Variants in RFX3 observed in about 807,000 individuals in gnomAD.
The protein encoded by RFX3 is transcription factor RFX3.
In RFX3, 14 loss-of-function variants were observed where a neutral mutation model predicts 98.6. The observed-to-expected ratio is 0.14, with a 90% CI of 0.09 to 0.22. The LOEUF is 0.22. RFX3 is among the 10% of genes least tolerant of loss of function. RFX3 has a pLI of 1.00. For synonymous variants in RFX3, 383 were observed against 328.4 expected, an observed-to-expected ratio of 1.17 and a Z score of -1.80; for missense variants, 639 against 926.9, an observed-to-expected ratio of 0.69 and a Z score of 4.03.
rs1412328280 is a variant in RFX3 at position 3,231,613 on chromosome 9, T to C, written c.1969-2724A>G. On this transcript the variant is annotated intron_variant, in intron 15 of 16. Transcript: ENST00000617270. ...TTTTAGAAGTATAGGGTTCAAGTCTTAGAAATGGAAACCAATTGCATGGGT... is the reference window on the plus strand; with the variant it reads ...TTTTAGAAGTATAGGGTTCAAGTCTCAGAAATGGAAACCAATTGCATGGGT... 4.6e-5 allele frequency among the ~76,000 whole-genome samples: 7 copies of C among 151,882 alleles called. No homozygotes were observed. The East Asian group carries it at 1.4e-3, about 29-fold the overall frequency.
At chr9:3,294,648 CTTTA>C (rs1827784860) in intron 5 of RFX3, among the ~76,000 whole-genome samples, 1 of 152,138 alleles carries the variant, frequency 6.6e-6, no homozygotes, top group African/African-American at 2.4e-5. Context: ...GAATTACTGA[CTTTA>C]GTCATGACAA....
chr9:3,259,402 T>C (rs1822567757), intron 13 of RFX3, among the ~76,000 whole-genome samples: 1 of 151,870 alleles, frequency 6.6e-6, no homozygotes, highest in Admixed American at 6.6e-5. Flanking sequence ...AGTGAAAATA[T>C]ACTAACAATA....
chr9:3,391,811 T>C (rs1282521683), intron 2 of RFX3, among the ~76,000 whole-genome samples: 2 of 152,214 alleles, frequency 1.3e-5, no homozygotes, highest in Non-Finnish European at 2.9e-5. Context: ...TCAGGTTCCC[T>C]CTACCAACCC....
intron 1 of RFX3, among the ~76,000 whole-genome samples, chr9:3,467,129 A>AGTATATATGTATATACATAATATATAT (rs1848340882): frequency 7.6e-6 from 1 of 131,648 alleles, no homozygotes; most frequent in African/African-American, 3.3e-5. Flanking sequence ...CATATATGTA[A>AGTATATATGTATATACATAATATATAT]GTATATATGT....
At chr9:3,265,405 C>G (rs2131261703) in intron 12 of RFX3, among the ~76,000 whole-genome samples, 1 of 152,248 alleles carries the variant, frequency 6.6e-6, no homozygotes, top group African/African-American at 2.4e-5. Flanking sequence ...TATGTTCCCA[C>G]AGAGGTTTAT....
intron 1 of RFX3, among the ~76,000 whole-genome samples, chr9:3,504,972 ATT>A (rs1444743921): frequency 7.5e-5 from 5 of 66,268 alleles, no homozygotes; most frequent in Non-Finnish European, 9.0e-5. Flanking sequence ...TATAATATAT[ATT>A]ATATAATATA....
chr9:3,295,003 T>G (rs1167221861), intron 5 of RFX3, among the ~76,000 whole-genome samples: 2 of 152,136 alleles, frequency 1.3e-5, no homozygotes, highest in Non-Finnish European at 2.9e-5. Context: ...ATTCTTTTGT[T>G]ATGAATCATC....
At chr9:3,291,305 G>C (rs941974100) in intron 6 of RFX3, among the ~76,000 whole-genome samples, 1 of 152,172 alleles carries the variant, frequency 6.6e-6, no homozygotes, top group Admixed American at 6.5e-5. Flanking sequence ...CCGGGGGGCA[G>C]AGGTTGCAGT....
chr9:3,394,890 T>C (rs1036695274), intron 2 of RFX3: 8 of 955,002 alleles, frequency 8.4e-6, no homozygotes, highest in Non-Finnish European at 1.0e-5. Context: ...TGCGTATGAA[T>C]AAGACCTGTA....
intron 1 of RFX3, among the ~76,000 whole-genome samples, chr9:3,424,377 T>TG (rs1364576902): frequency 3.4e-5 from 4 of 117,676 alleles, no homozygotes; most frequent in Non-Finnish European, 5.1e-5. Context: ...TTTTTTTTTT[T>TG]TTGAGACGGA....
chr9:3,238,587 G>C (rs1387567483), intron 15 of RFX3, among the ~76,000 whole-genome samples: 1 of 152,170 alleles, frequency 6.6e-6, no homozygotes, highest in Non-Finnish European at 1.5e-5. Context: ...GAATCAGGAA[G>C]ATTGTTCACA....
At chr9:3,437,252 C>A (rs1175005902) in intron 1 of RFX3, among the ~76,000 whole-genome samples, 1 of 152,052 alleles carries the variant, frequency 6.6e-6, no homozygotes, top group Non-Finnish European at 1.5e-5. Flanking sequence ...GGAGACTAGA[C>A]TATAGGCTCC....
intron 1 of RFX3, among the ~76,000 whole-genome samples, chr9:3,479,483 T>C (rs939278696): frequency 6.6e-6 from 1 of 152,214 alleles, no homozygotes; most frequent in Non-Finnish European, 1.5e-5. Context: ...AAAAAATCTG[T>C]ATTTCAGTAC....
chr9:3,494,272 T>C (rs115106748), intron 1 of RFX3, among the ~76,000 whole-genome samples: 2,633 of 152,270 alleles, frequency 0.017, 96 homozygotes, highest in African/African-American at 0.059. Context: ...AAGCAGCAGT[T>C]CTTTTGTGAT....
In RFX3 at chr9:3,386,004, A is replaced by G. The variant is rs565871543; in HGVS notation, c.117+9468T>C. ...CGACTGATGACTACACTGGGTGCCT[A>G]TTCAAAGTGAAAGACACCACCACCA... On this transcript the variant is annotated intron_variant, in intron 2 of 16. Coordinates refer to ENST00000617270, the MANE Select transcript of RFX3 (RefSeq NM_001282116.2). Among the ~76,000 whole-genome samples the G allele has an allele frequency of 6.6e-5, 10 of 152,298 alleles. No homozygotes were observed. In the East Asian group the frequency reaches 1.7e-3, roughly 26 times the overall value.
chr9:3,301,689 C>T, intron 4 of RFX3, 69 bp from the exon 5 acceptor site: 2 of 1,110,182 alleles, frequency 1.8e-6, no homozygotes, highest in South Asian at 3.0e-5. Context: ...CAGAGAATTT[C>T]TGATAGATTC....
chr9:3,436,191 A>C (rs1198045774), intron 1 of RFX3, among the ~76,000 whole-genome samples: 1 of 152,080 alleles, frequency 6.6e-6, no homozygotes, highest in Non-Finnish European at 1.5e-5. Context: ...GCAAATTACA[A>C]TTCTTCATGA....
At chr9:3,507,488 T>A (rs1587895430) in intron 1 of RFX3, among the ~76,000 whole-genome samples, 1 of 152,044 alleles carries the variant, frequency 6.6e-6, no homozygotes, top group East Asian at 1.9e-4. Context: ...ATTTAAGTAA[T>A]CTGCCTAACA....
intron 1 of RFX3, among the ~76,000 whole-genome samples, chr9:3,504,791 T>C (rs1362778371): frequency 9.7e-6 from 1 of 103,408 alleles, no homozygotes; most frequent in African/African-American, 4.2e-5. Flanking sequence ...ATATAAAATA[T>C]ATATTATATT....
Sources: gnomAD v4.1 joint callset for allele counts (sites outside exome capture counted in the v4.1 genomes callset) on GRCh38, gnomAD v4.1.1 for gene constraint, MANE v1.5 for transcripts, NCBI Gene and HGNC (gene_info 2026-07-23, HGNC 2026-07-21) for gene names.